WWP2: variants seen among roughly 807,000 people sequenced by gnomAD.
WWP2 encodes NEDD4-like E3 ubiquitin-protein ligase WWP2.
A neutral mutation model predicts 121.0 loss-of-function variants in WWP2; 57 were observed. The ratio of observed to expected loss-of-function variants is 0.47; its 90% CI spans 0.38 to 0.59. The LOEUF is 0.59. Ranked by LOEUF, WWP2 falls within the 20% of genes least tolerant of loss-of-function variation. The pLI is 0.00. For synonymous variants in WWP2, 449 were observed against 441.3 expected (o/e 1.02, Z -0.22); for missense variants, 962 against 1,158.9 (o/e 0.83, Z 2.47).
chr16:69,825,632 T>G (rs1032398462), intron 4 of WWP2, among the ~76,000 whole-genome samples: 6 of 141,424 alleles, frequency 4.2e-5, no homozygotes, highest in South Asian at 2.2e-4. Flanking sequence ...TTTTTTTTGG[T>G]TTTTTTTTTT....
chr16:69,892,481 A>T (rs2058043973), intron 8 of WWP2, among the ~76,000 whole-genome samples: 1 of 152,160 alleles, frequency 6.6e-6, no homozygotes, highest in South Asian at 2.1e-4. Flanking sequence ...ATTCCAGACC[A>T]AATTACCATG....
At chr16:69,916,392 G>A (rs761807681) in intron 9 of WWP2, among the ~76,000 whole-genome samples, 12 of 152,098 alleles carry the variant, frequency 7.9e-5, no homozygotes, top group Non-Finnish European at 1.3e-4. Flanking sequence ...GTAGAGATGG[G>A]GGTCTCCCTC....
rs1490567687 is a variant in WWP2 at position 69,940,084 on chromosome 16, A to G, written c.*144A>G. On this transcript the variant is annotated 3_prime_UTR_variant, in exon 24 of 24. Coordinates refer to ENST00000359154, the MANE Select transcript of WWP2 (RefSeq NM_001270454.2). ...CACACTGTCATCTCGCTGCTGGCAGAAAAGCCTGATCCCAGGAGGCCCTGC... is the reference window on the plus strand; with the variant it reads ...CACACTGTCATCTCGCTGCTGGCAGGAAAGCCTGATCCCAGGAGGCCCTGC... 1.5e-6 allele frequency: 1 copy of G among 672,312 alleles called. No homozygotes were observed. The highest frequency in any genetic ancestry group is 1.8e-5 in the African/African-American group (1 of 55,074). 41.6% of individuals were successfully genotyped at this position (672,312 alleles called of 1,614,324 possible). A position where few individuals can be genotyped will look rare whatever the true frequency, so the allele number is the denominator to read the frequency against.
At chr16:69,796,888 A>G (rs2056058774) in intron 2 of WWP2, among the ~76,000 whole-genome samples, 2 of 152,242 alleles carry the variant, frequency 1.3e-5, no homozygotes, top group Non-Finnish European at 2.9e-5. Flanking sequence ...TTACTGCTAT[A>G]AAAAATCTGA....
At chr16:69,936,804 T>A (rs527405929) in intron 19 of WWP2, 2 of 469,448 alleles carry the variant, frequency 4.3e-6, no homozygotes, top group Non-Finnish European at 7.7e-6. Flanking sequence ...GTGTGCCCGT[T>A]CTCCGTGCCT....
At chr16:69,804,982 G>A (rs561233670) in intron 4 of WWP2, among the ~76,000 whole-genome samples, 6 of 151,194 alleles carry the variant, frequency 4.0e-5, no homozygotes, top group Non-Finnish European at 1.5e-5. Flanking sequence ...TTTGTAATCT[G>A]TCAGTTTACT....
At chr16:69,797,676 G>C (rs753800372) in intron 2 of WWP2, among the ~76,000 whole-genome samples, 1 of 151,316 alleles carries the variant, frequency 6.6e-6, no homozygotes, top group African/African-American at 2.4e-5. Flanking sequence ...ATCATCTGAG[G>C]TCAGGAGTTT....
chr16:69,793,006 T>C lies in WWP2; in HGVS notation c.71-5676T>C, dbSNP rs143359991. 2.9e-3 allele frequency among the ~76,000 whole-genome samples: 438 copies of C among 152,264 alleles called. 4 individuals carry two copies. Among genetic ancestry groups the C allele is most frequent in the African/African-American group, 9.9e-3 (410 of 41,552 alleles). On this transcript the variant is annotated intron_variant, in intron 2 of 23. Coordinates refer to ENST00000359154, the MANE Select transcript of WWP2 (RefSeq NM_001270454.2). ...TGCCTGGCCTTTAAACCGAATCTAA[T>C]CATGAGGAAACAATTGTAATCACCC...
At chr16:69,866,805 T>C (rs2057532914) in intron 6 of WWP2, among the ~76,000 whole-genome samples, 2 of 7,296 alleles carry the variant, frequency 2.7e-4, no homozygotes, top group East Asian at 0.021. Flanking sequence ...GTTCCGTATT[T>C]ATTTATTTAT....
At chr16:69,787,193 T>G (rs2055811807) in intron 2 of WWP2, 113 bp downstream of exon 2, 3 of 669,870 alleles carry the variant, frequency 4.5e-6, no homozygotes, top group Non-Finnish European at 2.4e-6. Context: ...CATGTGTTAA[T>G]TATTTATTCT....
chr16:69,806,295 C>A (rs1353924338), intron 4 of WWP2, among the ~76,000 whole-genome samples: 1 of 152,140 alleles, frequency 6.6e-6, no homozygotes. Context: ...ATAGACTATT[C>A]CTTGAAAATT....
intron 4 of WWP2, among the ~76,000 whole-genome samples, chr16:69,824,704 T>G (rs2056652874): frequency 6.6e-6 from 1 of 151,784 alleles, no homozygotes. Context: ...ATTCATAGAT[T>G]ACAAGTGAAA....
At chr16:69,835,871 T>C (rs2056868221) in intron 4 of WWP2, among the ~76,000 whole-genome samples, 3 of 151,358 alleles carry the variant, frequency 2.0e-5, no homozygotes, top group Non-Finnish European at 4.4e-5. Context: ...GGCACGATCC[T>C]GGCTCCCTGC....
chr16:69,908,705 AG>A (rs5817677), intron 8 of WWP2, 55 bp from the exon 9 acceptor site: 1,094,971 of 1,596,832 alleles, frequency 0.69, 380,129 homozygotes, highest in East Asian at 0.96. Context: ...CCTTTCTAAC[AG>A]GGGCCTATGC....
Position 69,908,823 on chromosome 16 carries a change from C to A in WWP2, c.977C>A (p.Thr326Asn). 2 of 1,614,210 alleles carry A rather than the reference C, an allele frequency of 1.2e-6. No individual in the cohort carries two copies. Among genetic ancestry groups the A allele is most frequent in the South Asian group, 2.2e-5 (2 of 91,084 alleles). Residue 326 changes from threonine to asparagine, a missense_variant, in exon 9 of 24, where the codon ACC becomes AAC. Thr to Asn is a moderately conservative substitution (Grantham distance 65, BLOSUM62 0). Transcript: ENST00000359154. ...VYYVDHNTKT[T>N]TWERPLPPGW... ...TATGTTGACCACAATACCAAGACCA[C>A]CACCTGGGAGCGGCCCCTTCCTCCA...
intron 4 of WWP2, among the ~76,000 whole-genome samples, chr16:69,832,301 T>G (rs1018620360): frequency 7.9e-5 from 12 of 151,978 alleles, no homozygotes; most frequent in African/African-American, 2.9e-4. Flanking sequence ...GCCATTCCTG[T>G]CTCATCTAAC....
intron 2 of WWP2, among the ~76,000 whole-genome samples, chr16:69,792,930 G>A (rs1333891065): frequency 6.6e-6 from 1 of 152,132 alleles, no homozygotes; most frequent in Admixed American, 6.5e-5. Context: ...GGCTCAGGTG[G>A]CCCTTCTGCC....
chr16:69,778,193 T>TATATA (rs370579187), intron 1 of WWP2, among the ~76,000 whole-genome samples: 10 of 38,950 alleles, frequency 2.6e-4, no homozygotes, highest in South Asian at 2.0e-3. Flanking sequence ...TATATATATA[T>TATATA]TTTTTTTTTT....
chr16:69,889,390 A>G (rs1017798764), intron 8 of WWP2, among the ~76,000 whole-genome samples: 3 of 152,224 alleles, frequency 2.0e-5, no homozygotes, highest in African/African-American at 7.2e-5. Flanking sequence ...CTGTAAGCCA[A>G]AGGGAAGTTC....
Sources: gnomAD v4.1 joint callset for allele counts (sites outside exome capture counted in the v4.1 genomes callset) on GRCh38, gnomAD v4.1.1 for gene constraint, MANE v1.5 for transcripts, NCBI Gene and HGNC (gene_info 2026-07-23, HGNC 2026-07-21) for gene names.